The following MRE11 variants were observed in gnomAD, a reference collection of about 807,000 sequenced individuals.
The protein encoded by MRE11 is double-strand break repair protein MRE11.
A neutral mutation model predicts 91.7 loss-of-function variants in MRE11; 62 were observed. The observed-to-expected ratio is 0.68, with a 90% CI of 0.55 to 0.84. The LOEUF (loss-of-function observed/expected upper bound fraction) is 0.84, where lower values mean the gene tolerates loss of function less well. MRE11 is among the 40% of genes least tolerant of loss of function. The probability of loss-of-function intolerance (pLI) is 0.00; values close to 1 mark genes in which losing one functional copy is unlikely to be tolerated. For missense variants in MRE11, 796 were observed against 852.9 expected (o/e 0.93, Z 0.83); for synonymous variants, 273 against 271.4 (o/e 1.01, Z -0.06).
At chr11:94,476,630 T>G (rs1946866375) in intron 6 of MRE11, among the ~76,000 whole-genome samples, 1 of 152,080 alleles carries the variant, frequency 6.6e-6, no homozygotes, top group Non-Finnish European at 1.5e-5. Flanking sequence ...GGTCTCAAAC[T>G]CCTGGGCTCA....
chr11:94,458,029 A>G (rs1416349670), intron 13 of MRE11, among the ~76,000 whole-genome samples: 1 of 130,478 alleles, frequency 7.7e-6, no homozygotes, highest in African/African-American at 2.8e-5. Context: ...AGCAAACCCA[A>G]CACATCCAGA....
chr11:94,435,837 A>T lies in MRE11; in HGVS notation c.1989T>A (p.Asp663Glu). ...CAGAAAATCACTGCACCTACCTTTG[A>T]TCTGTCTTTGAAGTGGTAGGAAAAA... ...EDIFPTTSKT[D>E]QRWSSTSSSK... Residue 663 changes from aspartate to glutamate, a missense_variant, in exon 18 of 20, where the codon GAT becomes GAA. Physicochemically the swap from Asp to Glu is conservative, Grantham distance 45 (BLOSUM62 2). Transcript: ENST00000323929. 6.2e-7 allele frequency: 1 copy of T among 1,612,812 alleles called. No individual in the cohort carries two copies. The highest frequency in any genetic ancestry group is 8.5e-7 in the Non-Finnish European group (1 of 1,179,044).
intron 16 of MRE11, among the ~76,000 whole-genome samples, chr11:94,439,073 T>C (rs1025136383): frequency 6.6e-6 from 1 of 152,224 alleles, no homozygotes; most frequent in Admixed American, 6.5e-5. Flanking sequence ...TGGCTACAAG[T>C]GTAATTTTTA....
rs758356817 is a variant in MRE11, at chr11:94,460,977, C to T, written c.1285G>A (p.Val429Ile). The T allele has an allele frequency of 6.2e-7, 1 of 1,613,844 alleles. No individual in the cohort carries two copies. Residue 429 changes from valine (V) to isoleucine (I), a missense_variant, in exon 12 of 20, where the codon GTA becomes ATA. Transcript: ENST00000323929. The part of the protein sequence containing the change: ...TKPSEGTTLR[V>I]EDLVKQYFQT... ...AAGTACTGTTTTACAAGATCTTCTA[C>T]CCTTAAAGTTGTTCCTTCTGAAGGC...
At chr11:94,432,449 A>G (rs1185829293) in intron 18 of MRE11, among the ~76,000 whole-genome samples, 2 of 152,188 alleles carry the variant, frequency 1.3e-5, no homozygotes, top group African/African-American at 4.8e-5. Flanking sequence ...AGGTGATCCT[A>G]TCCATCCCAA....
At position 94,445,940 on chromosome 11, in the gene MRE11, G is replaced by C. The variant is rs747652054; in HGVS notation, c.1784-47C>G. The C allele has an allele frequency of 5.1e-6, 7 of 1,366,446 alleles. No homozygotes were observed. The Admixed American group carries it at 1.2e-4, about 23-fold the overall frequency. 84.6% of individuals were successfully genotyped at this position (1,366,446 alleles called of 1,614,324 possible). A position where few individuals can be genotyped will look rare whatever the true frequency, so the allele number is the denominator to read the frequency against. On this transcript the variant is annotated intron_variant, in intron 15 of 19. Transcript: ENST00000323929. ...AATGTACAAGCCTATCAGCAGCTAA[G>C]GTTTATTTCATACAACACTAAAAAA...
At chr11:94,475,557 G>A (rs1410056446) in intron 7 of MRE11, 2 of 454,648 alleles carry the variant, frequency 4.4e-6, no homozygotes, top group Admixed American at 4.7e-5. Context: ...CATTTTTACT[G>A]CAGTGATCAG....
intron 11 of MRE11, among the ~76,000 whole-genome samples, chr11:94,461,763 G>A (rs2135005745): frequency 6.6e-6 from 1 of 152,336 alleles, no homozygotes; most frequent in Admixed American, 6.5e-5. Flanking sequence ...AGCAACTTCA[G>A]CAAAGTCTCA....
chr11:94,452,831 A>G (rs1322582484), intron 14 of MRE11, among the ~76,000 whole-genome samples: 1 of 152,182 alleles, frequency 6.6e-6, no homozygotes, highest in Non-Finnish European at 1.5e-5. Context: ...TTTGTGGTGA[A>G]ATATACATAA....
At chr11:94,451,362 A>G (rs1430716581) in intron 14 of MRE11, among the ~76,000 whole-genome samples, 1 of 152,154 alleles carries the variant, frequency 6.6e-6, no homozygotes, top group Non-Finnish European at 1.5e-5. Flanking sequence ...ATACTCCCAA[A>G]AAAGGACCAC....
chr11:94,508,720 T>C, the MRE11 span, among the ~76,000 whole-genome samples: 61 of 151,918 alleles, frequency 4.0e-4, no homozygotes, highest in Middle Eastern at 0.01. Context: ...TTCTTTCTTA[T>C]TTTTCAAAGT....
At chr11:94,440,247 C>A (rs907058845) in intron 16 of MRE11, among the ~76,000 whole-genome samples, 3 of 152,090 alleles carry the variant, frequency 2.0e-5, no homozygotes, top group Admixed American at 6.6e-5. Flanking sequence ...ATTAGTCAAG[C>A]CATTCTGTAA....
chr11:94,502,678 TG>T, the MRE11 span, among the ~76,000 whole-genome samples: 3 of 151,796 alleles, frequency 2.0e-5, no homozygotes, highest in African/African-American at 7.3e-5. Context: ...TTTCAATTTT[TG>T]TTTTTTTTCT....
At chr11:94,480,332 C>A (rs1456384709) in intron 4 of MRE11, among the ~76,000 whole-genome samples, 1 of 152,212 alleles carries the variant, frequency 6.6e-6, no homozygotes, top group African/African-American at 2.4e-5. Context: ...GAAAAATATA[C>A]ATTTCTGCAT....
At chr11:94,485,886 A>G in intron 4 of MRE11, 38 bp downstream of exon 4, 1 of 1,593,020 alleles carries the variant, frequency 6.3e-7, no homozygotes, top group African/African-American at 1.3e-5. Flanking sequence ...AATACCATAC[A>G]CAAGTAATCA....
chr11:94,463,047 T>C (rs1233909011), intron 11 of MRE11, among the ~76,000 whole-genome samples: 1 of 152,302 alleles, frequency 6.6e-6, no homozygotes, highest in East Asian at 1.9e-4. Context: ...AAAGGGCTAA[T>C]ATCCAGAATC....
At chr11:94,467,348 G>T (rs547489743) in intron 10 of MRE11, among the ~76,000 whole-genome samples, 19 of 151,994 alleles carry the variant, frequency 1.3e-4, no homozygotes, top group African/African-American at 4.1e-4. Flanking sequence ...TGTGTTACGG[G>T]GAAAAAAATA....
At position 94,429,113 on chromosome 11, in the gene MRE11, G is replaced by A. The variant is rs141159419; in HGVS notation, c.2070+798C>T. Among the ~76,000 whole-genome samples, 391 of 152,132 alleles carry A rather than the reference G, an allele frequency of 2.6e-3. 2 individuals are homozygous for A. Among genetic ancestry groups the A allele is most frequent in the African/African-American group, 8.9e-3 (369 of 41,530 alleles). On this transcript the variant is annotated intron_variant, in intron 19 of 19. Coordinates refer to ENST00000323929, the MANE Select transcript of MRE11 (RefSeq NM_005591.4). ...AAAGTGCTTATCATCACTAATCATC[G>A]GAGAAATGTAAATCAAAACCACAAT...
chr11:94,508,908 C>A, the MRE11 span, among the ~76,000 whole-genome samples: 2 of 151,984 alleles, frequency 1.3e-5, no homozygotes, highest in Non-Finnish European at 2.9e-5. Context: ...ATTACAGGCA[C>A]GCACCACCAC....
Sources: gnomAD v4.1 joint callset for allele counts (sites outside exome capture counted in the v4.1 genomes callset) on GRCh38, gnomAD v4.1.1 for gene constraint, MANE v1.5 for transcripts, NCBI Gene and HGNC (gene_info 2026-07-23, HGNC 2026-07-21) for gene names.